C1QTNF9: variants seen among roughly 807,000 people sequenced by gnomAD.
C1QTNF9 encodes the protein C1q and TNF related 9.
Under a neutral mutation model 10.1 loss-of-function variants are expected in C1QTNF9, and 6 were observed. The observed-to-expected ratio is 0.59, with a 90% CI of 0.32 to 1.17. C1QTNF9 has a LOEUF of 1.17. Ranked by LOEUF, C1QTNF9 falls within the 50% of genes most tolerant of loss-of-function variation. The pLI is 0.04. For synonymous variants in C1QTNF9, 98 were observed against 163.5 expected, an observed-to-expected ratio of 0.60 and a Z score of 3.06; for missense variants, 201 against 418.8, an observed-to-expected ratio of 0.48 and a Z score of 4.54.
At chr13:24,312,668 G>A (rs1199851482) in intron 1 of C1QTNF9, among the ~76,000 whole-genome samples, 1 of 152,024 alleles carries the variant, frequency 6.6e-6, no homozygotes, top group African/African-American at 2.4e-5. Flanking sequence ...AAAAAATAGT[G>A]CCAAGCGGCC....
At chr13:24,316,438 G>A (rs574862311) in intron 2 of C1QTNF9, among the ~76,000 whole-genome samples, 1 of 152,228 alleles carries the variant, frequency 6.6e-6, no homozygotes, top group East Asian at 1.9e-4. Flanking sequence ...CTGCCCTCCT[G>A]GGTTCTCTCA....
intron 3 of C1QTNF9, among the ~76,000 whole-genome samples, chr13:24,319,882 A>G (rs574281467): frequency 7.1e-4 from 108 of 152,178 alleles, no homozygotes; most frequent in Non-Finnish European, 1.2e-3. Context: ...CCCTAGTTCC[A>G]TATGTGAGGG....
intron 3 of C1QTNF9, among the ~76,000 whole-genome samples, 190 bp downstream of exon 3, chr13:24,319,070 C>T (rs534840746): frequency 3.7e-4 from 56 of 152,146 alleles, no homozygotes; most frequent in African/African-American, 1.0e-3. Flanking sequence ...TTCTCAACTC[C>T]GCAGGCCATA....
At chr13:24,321,936 C>T in exon 4 of C1QTNF9, 3 of 893,436 alleles carry the variant, frequency 3.4e-6, no homozygotes, top group Non-Finnish European at 4.7e-6. Flanking sequence ...ACTATTTTTC[C>T]AGGAGTAAAT....
At chr13:24,313,824 TG>T (rs1877927652) in intron 1 of C1QTNF9, among the ~76,000 whole-genome samples, 2 of 152,254 alleles carry the variant, frequency 1.3e-5, no homozygotes, top group African/African-American at 4.8e-5. Flanking sequence ...ATATTCACTT[TG>T]AGTTTTTGTC....
At chr13:24,321,979 A>G in exon 4 of C1QTNF9, 2 of 575,198 alleles carry the variant, frequency 3.5e-6, no homozygotes, top group Non-Finnish European at 5.5e-6. Flanking sequence ...ATTCTAATTT[A>G]TTTCACATTT....
intron 1 of C1QTNF9, among the ~76,000 whole-genome samples, chr13:24,313,466 T>A (rs1367517505): frequency 6.6e-6 from 1 of 152,222 alleles, no homozygotes; most frequent in Non-Finnish European, 1.5e-5. Flanking sequence ...TTGATGGAAT[T>A]TCGATTTGAC....
chr13:24,318,944 G>A, intron 3 of C1QTNF9, 64 bp downstream of exon 3: 2 of 1,587,634 alleles, frequency 1.3e-6, no homozygotes, highest in Admixed American at 1.7e-5. Context: ...ATATTACCAT[G>A]GACAAGTCCT....
At chr13:24,318,172 G>A (rs1368841914) in intron 2 of C1QTNF9, among the ~76,000 whole-genome samples, 1 of 152,122 alleles carries the variant, frequency 6.6e-6, no homozygotes, top group Non-Finnish European at 1.5e-5. Flanking sequence ...ACCTGCTGAC[G>A]GATAGCACGC....
intron 1 of C1QTNF9, among the ~76,000 whole-genome samples, chr13:24,312,826 G>C (rs1473738479): frequency 1.3e-5 from 2 of 151,928 alleles, no homozygotes; most frequent in Non-Finnish European, 1.5e-5. Flanking sequence ...ATGGTAGTGG[G>C]TGCCTGTAGT....
chr13:24,321,724 G>A (rs374383149), exon 4 of C1QTNF9: 20 of 1,600,776 alleles, frequency 1.2e-5, no homozygotes, highest in Middle Eastern at 1.7e-4. Context: ...TGATGAGGAC[G>A]ATGACACAAC....
chr13:24,314,706 T>TA (rs1305258052), intron 1 of C1QTNF9, among the ~76,000 whole-genome samples: 1 of 151,760 alleles, frequency 6.6e-6, no homozygotes, highest in Non-Finnish European at 1.5e-5. Flanking sequence ...AACCCAGGTG[T>TA]GGTGGTGCAT....
chr13:24,314,016 G>T (rs112145219), intron 1 of C1QTNF9, among the ~76,000 whole-genome samples: 4,422 of 152,112 alleles, frequency 0.029, 173 homozygotes, highest in African/African-American at 0.093. Context: ...TAGTATGCAC[G>T]TTTTCACCTG....
At chr13:24,318,560 G>T (rs1416429587) in intron 2 of C1QTNF9, among the ~76,000 whole-genome samples, 2 of 151,952 alleles carry the variant, frequency 1.3e-5, no homozygotes, top group Admixed American at 1.3e-4. Context: ...CTTGCTGTGC[G>T]CTCTAGGCAC....
intron 1 of C1QTNF9, among the ~76,000 whole-genome samples, chr13:24,310,045 C>T (rs764835067): frequency 1.4e-4 from 22 of 151,984 alleles, no homozygotes; most frequent in Non-Finnish European, 2.5e-4. Context: ...AGACATGGGC[C>T]ACCACACCCT....
At chr13:24,315,080 T>G (rs1877975907) in intron 1 of C1QTNF9, among the ~76,000 whole-genome samples, 1 of 152,126 alleles carries the variant, frequency 6.6e-6, no homozygotes, top group Non-Finnish European at 1.5e-5. Context: ...AGCTTAACCA[T>G]CTTAAGGGCA....
At chr13:24,314,511 C>T (rs1226158827) in intron 1 of C1QTNF9, among the ~76,000 whole-genome samples, 1 of 152,102 alleles carries the variant, frequency 6.6e-6, no homozygotes, top group Non-Finnish European at 1.5e-5. Context: ...GGTGAAACCC[C>T]GTCTCTACTA....
intron 2 of C1QTNF9, among the ~76,000 whole-genome samples, chr13:24,317,898 C>T (rs1464743212): frequency 1.3e-5 from 2 of 151,864 alleles, no homozygotes; most frequent in Non-Finnish European, 2.9e-5. Flanking sequence ...AGGGATAAGC[C>T]CCCTCCATTC....
At chr13:24,319,068 TCCGCAGG>T (rs1878151772) in intron 3 of C1QTNF9, among the ~76,000 whole-genome samples, 188 bp downstream of exon 3, 1 of 152,050 alleles carries the variant, frequency 6.6e-6, no homozygotes, top group Admixed American at 6.6e-5. Flanking sequence ...TATTCTCAAC[TCCGCAGG>T]CCATACAGAT....
Sources: gnomAD v4.1 joint callset for allele counts (sites outside exome capture counted in the v4.1 genomes callset) on GRCh38, gnomAD v4.1.1 for gene constraint, MANE v1.5 for transcripts, NCBI Gene and HGNC (gene_info 2026-07-23, HGNC 2026-07-21) for gene names.